Variants in SCAP observed in about 807,000 individuals in gnomAD.
SCAP encodes the protein sterol regulatory element-binding protein cleavage-activating protein.
A neutral mutation model predicts 123.6 loss-of-function variants in SCAP; 65 were observed. The observed-to-expected ratio is 0.53, with a 90% CI of 0.43 to 0.65. The LOEUF is 0.65. SCAP is among the 30% of genes least tolerant of loss of function. The pLI, the probability that SCAP is intolerant of heterozygous loss-of-function variation, is 0.00. For missense variants in SCAP, 1,398 were observed against 1,712.5 expected, an observed-to-expected ratio of 0.82 and a Z score of 3.24; for synonymous variants, 740 against 726.3, an observed-to-expected ratio of 1.02 and a Z score of -0.30.
chr3:47,474,534 C>G (rs1197787024), intron 1 of SCAP, among the ~76,000 whole-genome samples: 2 of 152,094 alleles, frequency 1.3e-5, no homozygotes, highest in African/African-American at 4.8e-5. Flanking sequence ...GTGGTTCACG[C>G]CTGTAATACC....
chr3:47,417,526 C>A lies in SCAP; in HGVS notation c.2748G>T (p.Val916=). 1 of 1,563,766 alleles carries A rather than the reference C, an allele frequency of 6.4e-7. No homozygotes were observed. The highest frequency in any genetic ancestry group is 8.7e-7 in the Non-Finnish European group (1 of 1,154,656). The change falls in exon 17 of 23, where the codon GTG becomes GTT. Residue 916 remains valine (V), a synonymous_variant. Transcript: ENST00000265565. Reference sequence around the variant, plus strand: ...GCCCCTCCTCCTGGTACACCCGCTGCACCAGGCAGCTGAAGTCATAGCCTG... The same window carrying A: ...GCCCCTCCTCCTGGTACACCCGCTGAACCAGGCAGCTGAAGTCATAGCCTG... ...DSPGYDFSCL[V]QRVYQEEGLA...
chr3:47,461,148 C>T (rs184879979), intron 1 of SCAP, among the ~76,000 whole-genome samples: 1 of 152,262 alleles, frequency 6.6e-6, no homozygotes, highest in East Asian at 1.9e-4. Context: ...AGACTCCCTC[C>T]ACACTCTTCA....
Position 47,419,279 on chromosome 3 carries a change from GTGAGTTGACACCA to G in SCAP, c.1940+36_1940+48del. The G allele has an allele frequency of 6.4e-7, 1 of 1,562,256 alleles. No homozygotes were observed. The highest frequency in any genetic ancestry group is 1.8e-5 in the Admixed American group (1 of 54,904). ...CCTCCTGCATTGGGGAAAGGGGATG[GTGAGTTGACACCA>G]TCGAGTGAGGTGGCACCTGGCACGG... is the stretch of plus-strand genomic sequence containing the variant. On this transcript the variant is annotated intron_variant, in intron 13 of 22. Coordinates refer to ENST00000265565, the MANE Select transcript of SCAP (RefSeq NM_012235.4). This position sits in a 1 kb window ranked among gnomAD's most constrained non-coding sequence, Gnocchi z 5.0.
At chr3:47,443,217 G>A in intron 1 of SCAP, 126 bp from the exon 2 acceptor site, 1 of 531,630 alleles carries the variant, frequency 1.9e-6, no homozygotes, top group Middle Eastern at 5.9e-4. Flanking sequence ...AAGGTCTAGT[G>A]ACCTCAATCC....
intron 18 of SCAP, among the ~76,000 whole-genome samples, chr3:47,416,599 C>T (rs1168360822): frequency 8.8e-5 from 13 of 147,498 alleles, no homozygotes; most frequent in African/African-American, 2.5e-4. Context: ...ATTCCAAGCA[C>T]GTCACACCCC....
chr3:47,415,114 G>T lies in SCAP; in HGVS notation c.3123C>A (p.Ser1041Arg). Residue 1041 changes from serine to arginine, a missense_variant, in exon 19 of 23, where the codon AGC (serine) becomes AGA (arginine). Transcript: ENST00000265565. ...CCCTCCGACCTCTAAACTGCAGGGGGCTGAGGGCAGTGTGGGTCTCCAAGG... is the reference window on the plus strand; with the variant it reads ...CCCTCCGACCTCTAAACTGCAGGGGTCTGAGGGCAGTGTGGGTCTCCAAGG... ...FFSLETHTALSPLQFRGTPGR... is the reference protein window; with the variant it reads ...FFSLETHTALRPLQFRGTPGR... The T allele has an allele frequency of 6.2e-7, 1 of 1,611,610 alleles. No homozygotes were observed.
In SCAP at chr3:47,418,825, G is replaced by A. The variant is rs759975187; in HGVS notation, c.1959C>T (p.Pro653=). 86 of 1,526,426 alleles carry A rather than the reference G, an allele frequency of 5.6e-5. No individual in the cohort carries two copies. Among genetic ancestry groups the A allele is most frequent in the Non-Finnish European group, 6.8e-5 (78 of 1,140,312 alleles). The allele number at this position is 1,526,426 out of a possible 1,614,324, so 94.6% of individuals were successfully genotyped here. A position where few individuals can be genotyped will look rare whatever the true frequency, so the allele number is the denominator to read the frequency against. ...TCAGGCGGAGCGTGACTGGGATGAC[G>A]GGCAGCAGGCTGATGTACCTGGATT... ...TLAKRYISLL[P]VIPVTLRLNP... Residue 653 remains proline (P), a synonymous_variant, in exon 14 of 23, where the codon CCC becomes CCT. Transcript: ENST00000265565.
At position 47,467,099 on chromosome 3, in the gene SCAP, G is replaced by GAA. The variant is rs1391002481; in HGVS notation, c.-99+8698_-99+8699dup. The stretch of plus-strand genomic sequence containing the variant: ...CTGAGGGAGACTCTGTCTTAAAAAA[G>GAA]AAAAAAAAAAAAAAGTTAAAAATTG... On this transcript the variant is annotated intron_variant, in intron 1 of 22. Coordinates refer to ENST00000265565, the MANE Select transcript of SCAP (RefSeq NM_012235.4). Among the ~76,000 whole-genome samples, 5 of 88,118 alleles carry GAA rather than the reference G, an allele frequency of 5.7e-5. No individual in the cohort carries two copies. In the Middle Eastern group the frequency reaches 0.021, roughly 367 times the overall value. The allele number at this position is 88,118 out of a possible 152,430, so 57.8% of individuals were successfully genotyped here. A position where few individuals can be genotyped will look rare whatever the true frequency, so the allele number is the denominator to read the frequency against.
In SCAP at chr3:47,426,146, C is replaced by G. The variant is rs369811317; in HGVS notation, c.761G>C (p.Arg254Pro). Reference sequence around the variant, plus strand: ...GGGGCTGGGGTGCAGAAGCATCAGGCGGGCACGCAGGCTGCCCAGGAACCT... The same window carrying G: ...GGGGCTGGGGTGCAGAAGCATCAGGGGGGCACGCAGGCTGCCCAGGAACCT... ...HAKFLGSLRA[R>P]LMLLHPSPNC... is the part of the protein sequence containing the mutation. Residue 254 changes from arginine to proline, a missense_variant, in exon 7 of 23, where the codon CGC becomes CCC. Physicochemically the swap from Arg to Pro is moderately radical, Grantham distance 103 (BLOSUM62 -2). This residue lies in a region of SCAP where 319 missense variants were observed against 432.4 expected (regional missense o/e 0.74). Transcript: ENST00000265565. The G allele has an allele frequency of 1.2e-6, 2 of 1,613,468 alleles. No homozygotes were observed. Among genetic ancestry groups the G allele is most frequent in the Non-Finnish European group, 1.7e-6 (2 of 1,179,808 alleles).
intron 1 of SCAP, among the ~76,000 whole-genome samples, chr3:47,474,653 C>A (rs889236072): frequency 5.9e-5 from 9 of 152,062 alleles, no homozygotes; most frequent in African/African-American, 2.2e-4. Flanking sequence ...AAAAATTAGC[C>A]GGGCGTGGTG....
chr3:47,443,090 A>G lies in SCAP; in HGVS notation c.-97T>C, dbSNP rs990602360. On this transcript the variant is annotated splice_region_variant and 5_prime_UTR_variant, in exon 2 of 23. Coordinates refer to ENST00000265565, the MANE Select transcript of SCAP (RefSeq NM_012235.4). ...CTGACAAAGAACAACATGTGCAGGTACCTGGTAAGAAGGGAGAAAAGCCAG... is the reference window on the plus strand; with the variant it reads ...CTGACAAAGAACAACATGTGCAGGTGCCTGGTAAGAAGGGAGAAAAGCCAG... 27 of 1,571,780 alleles carry G rather than the reference A, an allele frequency of 1.7e-5. No homozygotes were observed. The highest frequency in any genetic ancestry group is 2.3e-5 in the Non-Finnish European group (27 of 1,158,264).
intron 1 of SCAP, 108 bp from the exon 2 acceptor site, chr3:47,443,199 C>A: frequency 1.4e-6 from 1 of 726,904 alleles, no homozygotes; most frequent in Non-Finnish European, 2.1e-6. Context: ...TTCAGAATGC[C>A]TATATGCAAG....
chr3:47,462,894 C>T (rs1449135798), intron 1 of SCAP, among the ~76,000 whole-genome samples: 1 of 151,974 alleles, frequency 6.6e-6, no homozygotes, highest in Non-Finnish European at 1.5e-5. Context: ...AGGCTTTGTT[C>T]CTGGCCTGCT....
At chr3:47,444,850 A>C (rs182582124) in intron 1 of SCAP, among the ~76,000 whole-genome samples, 1 of 150,122 alleles carries the variant, frequency 6.7e-6, no homozygotes, top group Admixed American at 6.6e-5. Context: ...TGGCTCAATG[A>C]AATCTCTGTC....
rs929329559 is a variant in SCAP, at chr3:47,426,064, A to C, written c.843T>G (p.Gly281=). The stretch of plus-strand genomic sequence containing the variant: ...TCACAAGGGGGATGAGCTCAGCGAC[A>C]CCAATCTCCTCCTTGAAGTGCACGT... ...LVHVHFKEEI[G]VAELIPLVTT... Residue 281 remains glycine (G), a synonymous_variant, in exon 7 of 23, where the codon GGT becomes GGG. Coordinates refer to ENST00000265565, the MANE Select transcript of SCAP (RefSeq NM_012235.4). 2.5e-6 allele frequency: 4 copies of C among 1,614,024 alleles called. No individual in the cohort carries two copies. The highest frequency in any genetic ancestry group is 2.5e-6 in the Non-Finnish European group (3 of 1,180,004).
intron 1 of SCAP, among the ~76,000 whole-genome samples, chr3:47,468,280 T>C (rs1707907848): frequency 6.6e-6 from 1 of 152,302 alleles, no homozygotes; most frequent in Admixed American, 6.5e-5. Flanking sequence ...TTCTAGATCC[T>C]TGAGGAATCG....
At chr3:47,418,613 T>TCC in intron 14 of SCAP, 42 bp downstream of exon 14, 1 of 749,150 alleles carries the variant, frequency 1.3e-6, no homozygotes. Flanking sequence ...CCCGTCCCCC[T>TCC]CCCCGCACTC....
chr3:47,452,997 G>A (rs769590795), intron 1 of SCAP, among the ~76,000 whole-genome samples: 2 of 152,130 alleles, frequency 1.3e-5, no homozygotes, highest in Non-Finnish European at 2.9e-5. Context: ...TTGGAAGCCT[G>A]AGTGGGAAGG....
intron 3 of SCAP, among the ~76,000 whole-genome samples, chr3:47,432,309 G>A (rs1406861011): frequency 1.4e-5 from 1 of 73,894 alleles, no homozygotes. Context: ...GCAAGACTCC[G>A]TCTTGAAAAA....
Sources: allele counts gnomAD v4.1 joint callset (sites outside exome capture counted in the v4.1 genomes callset), GRCh38; gene constraint gnomAD v4.1.1; regional missense constraint gnomAD v4.1.1; non-coding constraint Gnocchi (gnomAD v3.1); transcripts MANE v1.5; gene names NCBI Gene and HGNC (gene_info 2026-07-23, HGNC 2026-07-21).